Variants in ZNF644 observed in about 807,000 individuals in gnomAD.
The protein encoded by ZNF644 is zinc finger protein 644, also known as zinc finger motif enhancer binding protein 2.
A neutral mutation model predicts 108.0 loss-of-function variants in ZNF644; 20 were observed. That is an observed-to-expected ratio of 0.19 (90% CI 0.13 to 0.27). ZNF644 has a LOEUF of 0.27. Among genes scored for constraint, ZNF644 ranks in the 10% least tolerant of loss-of-function variants. The pLI, the probability that ZNF644 is intolerant of heterozygous loss-of-function variation, is 1.00. For synonymous variants in ZNF644, 542 were observed against 539.1 expected, an observed-to-expected ratio of 1.01 and a Z score of -0.08; for missense variants, 1,338 against 1,548.9, an observed-to-expected ratio of 0.86 and a Z score of 2.29.
intron 1 of ZNF644, among the ~76,000 whole-genome samples, chr1:91,007,220 ATTTTGTTTTTTTTTTT>A (rs1659524646): frequency 9.9e-5 from 3 of 30,276 alleles, no homozygotes; most frequent in Non-Finnish European, 2.0e-4. Context: ...ATTTTCTCCC[ATTTTGTTTTTTTTTTT>A]TTTTTTTTTT....
intron 2 of ZNF644, among the ~76,000 whole-genome samples, chr1:90,946,432 T>C (rs1368577156): frequency 6.6e-6 from 1 of 152,122 alleles, no homozygotes. Flanking sequence ...AGTTGAGGAT[T>C]GAATAAGATG....
chr1:91,004,497 T>TA lies in ZNF644; in HGVS notation c.-18+17492dup, dbSNP rs1659220214. ...TAAGACATTTACAGATTTAAACAAA[T>TA]ACTAAAGAGTGTCCCTCAGGCTGAA... On this transcript the variant is annotated intron_variant, in intron 1 of 5. Transcript: ENST00000337393. Among the ~76,000 whole-genome samples the TA allele has an allele frequency of 3.3e-5, 5 of 152,122 alleles. No homozygotes were observed. The South Asian group carries it at 1.0e-3, about 31-fold the overall frequency.
At chr1:90,998,891 C>T (rs868725374) in intron 1 of ZNF644, among the ~76,000 whole-genome samples, 2 of 152,122 alleles carry the variant, frequency 1.3e-5, no homozygotes, top group South Asian at 4.1e-4. Context: ...ACGAGAACTA[C>T]GTGATGAATG....
At chr1:90,999,730 G>T (rs527965576) in intron 1 of ZNF644, among the ~76,000 whole-genome samples, 19 of 152,124 alleles carry the variant, frequency 1.2e-4, no homozygotes, top group African/African-American at 4.6e-4. Flanking sequence ...CCAATTAAAA[G>T]ACACAGACTG....
intron 4 of ZNF644, among the ~76,000 whole-genome samples, chr1:90,932,359 G>T (rs1274855701): frequency 6.6e-6 from 1 of 152,064 alleles, no homozygotes; most frequent in African/African-American, 2.4e-5. Flanking sequence ...AATTAAGACT[G>T]CTTAAACTAG....
At chr1:91,005,620 C>T (rs1046439622) in intron 1 of ZNF644, among the ~76,000 whole-genome samples, 1 of 151,842 alleles carries the variant, frequency 6.6e-6, no homozygotes, top group African/African-American at 2.4e-5. Flanking sequence ...AAATCAATAC[C>T]AGAAGGAAAT....
At chr1:90,995,239 A>G (rs1277537685) in intron 1 of ZNF644, among the ~76,000 whole-genome samples, 1 of 152,188 alleles carries the variant, frequency 6.6e-6, no homozygotes, top group African/African-American at 2.4e-5. Flanking sequence ...GAAAAATACA[A>G]TAACTACAAT....
chr1:90,947,943 C>A (rs1352574618), intron 2 of ZNF644, among the ~76,000 whole-genome samples: 1 of 152,120 alleles, frequency 6.6e-6, no homozygotes, highest in Non-Finnish European at 1.5e-5. Flanking sequence ...ATTGCTTCTA[C>A]ACCATCGCAA....
intron 1 of ZNF644, among the ~76,000 whole-genome samples, chr1:91,018,161 G>A (rs1660591773): frequency 6.6e-6 from 1 of 152,176 alleles, no homozygotes; most frequent in Non-Finnish European, 1.5e-5. Context: ...CTTCATGTTT[G>A]TTTCTTAAGG....
At position 90,939,215 on chromosome 1, in the gene ZNF644, G is replaced by C; in HGVS notation, c.2139C>G (p.Ser713Arg). 6.2e-7 allele frequency: 1 copy of C among 1,613,944 alleles called. No homozygotes were observed. The highest frequency in any genetic ancestry group is 8.5e-7 in the Non-Finnish European group (1 of 1,179,918). ...SSPHKNVTIK[S>R]SVDQKPKYFH... Reference sequence around the variant, plus strand: ...AATACTTAGGTTTTTGGTCAACGCTGCTTTTAATTGTAACATTCTTATGAG... The same window carrying C: ...AATACTTAGGTTTTTGGTCAACGCTCCTTTTAATTGTAACATTCTTATGAG... The change falls in exon 3 of 6, where the codon AGC becomes AGG. Residue 713 changes from serine to arginine, a missense_variant. By Grantham distance (110) the Ser-to-Arg change is moderately radical. Transcript: ENST00000337393.
At chr1:90,951,284 T>C (rs1653136444) in intron 2 of ZNF644, among the ~76,000 whole-genome samples, 1 of 152,144 alleles carries the variant, frequency 6.6e-6, no homozygotes, top group African/African-American at 2.4e-5. Context: ...ACTCCCTGTT[T>C]TTCTCAGATA....
chr1:91,005,002 T>G (rs895262184), intron 1 of ZNF644, among the ~76,000 whole-genome samples: 1 of 152,018 alleles, frequency 6.6e-6, no homozygotes, highest in Admixed American at 6.6e-5. Flanking sequence ...GTAATTATAT[T>G]AAATGGAAAT....
intron 1 of ZNF644, among the ~76,000 whole-genome samples, chr1:91,011,769 C>T (rs1405309398): frequency 6.6e-6 from 1 of 152,078 alleles, no homozygotes; most frequent in Non-Finnish European, 1.5e-5. Flanking sequence ...AAAAAAAGTA[C>T]ACCTATTTAT....
intron 1 of ZNF644, among the ~76,000 whole-genome samples, chr1:90,991,210 A>G (rs1169504469): frequency 6.6e-6 from 1 of 152,206 alleles, no homozygotes; most frequent in Non-Finnish European, 1.5e-5. Context: ...GGGAAACTGC[A>G]AATTAAAGGC....
At chr1:91,007,220 A>ATTTTTTTTTTTTTTTTTTT (rs1557658483) in intron 1 of ZNF644, among the ~76,000 whole-genome samples, 2 of 30,276 alleles carry the variant, frequency 6.6e-5, no homozygotes, top group Non-Finnish European at 1.3e-4. Flanking sequence ...ATTTTCTCCC[A>ATTTTTTTTTTTTTTTTTTT]TTTTGTTTTT....
chr1:90,982,695 C>T (rs999885895), intron 1 of ZNF644, among the ~76,000 whole-genome samples: 5 of 151,800 alleles, frequency 3.3e-5, no homozygotes, highest in Non-Finnish European at 7.4e-5. Flanking sequence ...AAAATAATTA[C>T]TAAAACACAC....
intron 1 of ZNF644, chr1:91,021,432 T>C (rs1660900368): frequency 6.6e-6 from 1 of 151,890 alleles, no homozygotes; most frequent in African/African-American, 2.4e-5. Flanking sequence ...ACGAGAGGGG[T>C]TGGTGACTGC....
chr1:90,939,673 T>C lies in ZNF644; in HGVS notation c.1681A>G (p.Ile561Val), dbSNP rs1230850940. 1.9e-6 allele frequency: 3 copies of C among 1,614,028 alleles called. No individual in the cohort carries two copies. The highest frequency in any genetic ancestry group is 2.5e-6 in the Non-Finnish European group (3 of 1,179,932). The change falls in exon 3 of 6, where the codon ATT becomes GTT. Residue 561 changes from isoleucine to valine, a missense_variant. Physicochemically the swap from Ile to Val is conservative, Grantham distance 29 (BLOSUM62 3). Around this residue, in one of 6 missense-constraint regions of ZNF644, gnomAD observed 462 missense variants for 472.6 expected, o/e 0.98. Transcript: ENST00000337393. ...VVKCPMVTSD[I>V]AQRKTQKKTF... ...TTTTTTTGTGTTTTTCTCTGGGCAATATCAGAAGTGACCATAGGGCATTTT... is the reference window on the plus strand; with the variant it reads ...TTTTTTTGTGTTTTTCTCTGGGCAACATCAGAAGTGACCATAGGGCATTTT...
chr1:90,981,753 T>C (rs1049727764), intron 2 of ZNF644, among the ~76,000 whole-genome samples: 4 of 152,072 alleles, frequency 2.6e-5, no homozygotes, highest in African/African-American at 9.7e-5. Context: ...CAGAATGCTA[T>C]ATTAGAGAGG....
Sources: gnomAD v4.1 joint callset for allele counts (sites outside exome capture counted in the v4.1 genomes callset) on GRCh38, gnomAD v4.1.1 for gene constraint, gnomAD v4.1.1 regional missense constraint, MANE v1.5 for transcripts, NCBI Gene and HGNC (gene_info 2026-07-23, HGNC 2026-07-21) for gene names.